The following ARFGAP2 variants were observed in gnomAD, a reference collection of about 807,000 sequenced individuals.
ARFGAP2 encodes the protein ARF GTPase activating protein 2.
Under a neutral mutation model 71.9 loss-of-function variants are expected in ARFGAP2, and 45 were observed. That is an observed-to-expected ratio of 0.63 (90% CI 0.49 to 0.80). The LOEUF (loss-of-function observed/expected upper bound fraction) is 0.80, where lower values mean the gene tolerates loss of function less well. ARFGAP2 is among the 30% of genes least tolerant of loss of function. The probability of loss-of-function intolerance (pLI) is 0.00; values close to 1 mark genes in which losing one functional copy is unlikely to be tolerated. For synonymous variants in ARFGAP2, 248 were observed against 249.2 expected (o/e 1.00, Z 0.05); for missense variants, 633 against 673.9 (o/e 0.94, Z 0.67).
chr11:47,167,851 A>C lies in ARFGAP2; in HGVS notation c.1205+58T>G, dbSNP rs2135422543. On this transcript the variant is annotated intron_variant, in intron 12 of 15. Coordinates refer to ENST00000524782, the MANE Select transcript of ARFGAP2 (RefSeq NM_032389.6). ...AGACAGTGCTGCCTTAGAATTCTCT[A>C]CCTTCAGCTTGTTTAAAAAAAAAAA... is the stretch of plus-strand genomic sequence containing the variant. 3 of 1,503,648 alleles carry C rather than the reference A, an allele frequency of 2.0e-6. 1 individual carries two copies. The highest frequency in any genetic ancestry group is 4.8e-5 in the Admixed American group (2 of 41,344). 93.1% of individuals were successfully genotyped at this position (1,503,648 alleles called of 1,614,324 possible).
intron 10 of ARFGAP2, among the ~76,000 whole-genome samples, chr11:47,170,339 A>AAAAAG (rs1210292938): frequency 1.3e-5 from 2 of 150,620 alleles, no homozygotes; most frequent in African/African-American, 4.9e-5. Flanking sequence ...AAAAAAAAAA[A>AAAAAG]AAAAGAAAAG....
chr11:47,175,936 G>GA lies in ARFGAP2; in HGVS notation c.192-14_192-13insT. ...CAACTCTGTGGACCTGTGTACAAGGGCTGCGTCTCACCCACTAGCAGATAC... is the reference window on the plus strand; with the variant it reads ...CAACTCTGTGGACCTGTGTACAAGGGACTGCGTCTCACCCACTAGCAGATAC... On this transcript the variant is annotated splice_polypyrimidine_tract_variant and intron_variant, in intron 2 of 15. Transcript: ENST00000524782. The GA allele has an allele frequency of 6.2e-7, 1 of 1,613,748 alleles. No homozygotes were observed. Among genetic ancestry groups the GA allele is most frequent in the Admixed American group, 1.7e-5 (1 of 59,962 alleles).
chr11:47,167,837 C>T (rs764048690), intron 12 of ARFGAP2, 72 bp downstream of exon 12: 53 of 1,489,392 alleles, frequency 3.6e-5, no homozygotes, highest in Non-Finnish European at 4.7e-5. Context: ...GACAGTGCTG[C>T]CTTAGAATTC....
chr11:47,173,089 A>C, intron 7 of ARFGAP2: 1 of 405,818 alleles, frequency 2.5e-6, no homozygotes, highest in South Asian at 2.3e-5. Flanking sequence ...CCACCCCCGG[A>C]AATGCACCAG....
Position 47,168,751 on chromosome 11 carries a change from G to A in ARFGAP2, c.942-500C>T, listed in dbSNP as rs549156786. ...TTGCCCAGCCTGGTCTCAAACTCCT[G>A]AGTACAGACAATCCACCCGCCTTGG... On this transcript the variant is annotated intron_variant, in intron 10 of 15. Transcript: ENST00000524782. Among the ~76,000 whole-genome samples, 17 of 152,188 alleles carry A rather than the reference G, an allele frequency of 1.1e-4. No individual in the cohort carries two copies. In the South Asian group the frequency reaches 2.9e-3, roughly 26 times the overall value.
In ARFGAP2 at chr11:47,166,763, T is replaced by C. The variant is rs4752820; in HGVS notation, c.1329A>G (p.Ala443=). ...SDMFFGREVD[A]EYEARSRLQQ... Reference sequence around the variant, plus strand: ...CAGGGCAGACAGCCCCACTTACCTCTGCATCCACCTCCCGCCCAAAGAACA... The same window carrying C: ...CAGGGCAGACAGCCCCACTTACCTCCGCATCCACCTCCCGCCCAAAGAACA... Residue 443 remains alanine, a synonymous_variant, in exon 13 of 16, where the codon GCA becomes GCG. Coordinates refer to ENST00000524782, the MANE Select transcript of ARFGAP2 (RefSeq NM_032389.6). The C allele has an allele frequency of 1, 1,612,841 of 1,613,212 alleles. 806,236 individuals are homozygous for C. Among genetic ancestry groups the C allele is most frequent in the Middle Eastern group, 1 (6,060 of 6,060 alleles).
intron 10 of ARFGAP2, 76 bp downstream of exon 10, chr11:47,171,350 A>C (rs1952591294): frequency 6.3e-7 from 1 of 1,581,556 alleles, no homozygotes; most frequent in African/African-American, 1.4e-5. Context: ...CTAGCATCCC[A>C]AACTGCTAGG....
At position 47,175,264 on chromosome 11, in the gene ARFGAP2, T is replaced by A. The variant is rs2135438462; in HGVS notation, c.314A>T (p.Lys105Ile). The A allele has an allele frequency of 6.2e-7, 1 of 1,614,108 alleles. No homozygotes were observed. The highest frequency in any genetic ancestry group is 1.1e-5 in the South Asian group (1 of 91,072). ...CATCTGGGCAGCTCGGCTATTATAT[T>A]TGGTGTTGGCATCATTGGCTGTGCA... The part of the protein sequence containing the change: ...HGCTANDANT[K>I]YNSRAAQMYR... The change falls in exon 4 of 16, where the codon AAA becomes ATA. Residue 105 changes from lysine to isoleucine, a missense_variant. Transcript: ENST00000524782.
intron 7 of ARFGAP2, 170 bp downstream of exon 7, chr11:47,173,256 A>AATCAGTGTGGATG: frequency 2.5e-6 from 2 of 809,386 alleles, no homozygotes; most frequent in Non-Finnish European, 4.0e-6. Context: ...TTGGCTCTAA[A>AATCAGTGTGGATG]ATCAGTGTTG....
intron 7 of ARFGAP2, chr11:47,172,612 A>C (rs555980380): frequency 2.7e-5 from 36 of 1,312,180 alleles, no homozygotes; most frequent in South Asian, 3.8e-5. Context: ...ACCAAAACAA[A>C]GACTGCGAGG....
At position 47,165,366 on chromosome 11, in the gene ARFGAP2, C is replaced by CGAAGTT. The variant is rs1349585324; in HGVS notation, c.*115_*116insAACTTC. 14 of 1,381,344 alleles carry CGAAGTT rather than the reference C, an allele frequency of 1.0e-5. No homozygotes were observed. The highest frequency in any genetic ancestry group is 9.8e-7 in the Non-Finnish European group (1 of 1,015,382). The allele number at this position is 1,381,344 out of a possible 1,614,324, so 85.6% of individuals were successfully genotyped here. ...CTCAAAGGCCACCCCACACACACAC[C>CGAAGTT]ACACATACGAAGTAACAAATCCTCC... On this transcript the variant is annotated 3_prime_UTR_variant, in exon 16 of 16. Coordinates refer to ENST00000524782, the MANE Select transcript of ARFGAP2 (RefSeq NM_032389.6).
At chr11:47,172,186 G>A (rs1411156925) in intron 8 of ARFGAP2, 95 bp downstream of exon 8, 17 of 1,267,272 alleles carry the variant, frequency 1.3e-5, no homozygotes, top group Non-Finnish European at 1.7e-5. Context: ...CTTTGCCAAA[G>A]TCATATAGCT....
chr11:47,169,563 T>C (rs566739385), intron 10 of ARFGAP2: 1 of 151,390 alleles, frequency 6.6e-6, no homozygotes, highest in South Asian at 2.1e-4. Context: ...TATTTTGCAA[T>C]AGGGCTGAGT....
rs1393296120 is a variant in ARFGAP2 at position 47,166,330 on chromosome 11, C to T, written c.1483G>A (p.Gly495Ser). ...PTADIAQFKQ[G>S]VKSVAGKMAV... is the part of the protein sequence containing the mutation. ...ATTTTCCCAGCCACAGACTTGACACCCTGCTTAAACTGGGCAATGTCCGCT... is the reference window on the plus strand; with the variant it reads ...ATTTTCCCAGCCACAGACTTGACACTCTGCTTAAACTGGGCAATGTCCGCT... Residue 495 changes from glycine (G) to serine (S), a missense_variant, in exon 15 of 16, where the codon GGT becomes AGT. By Grantham distance (56) the Gly-to-Ser change is moderately conservative (BLOSUM62 0). Coordinates refer to ENST00000524782, the MANE Select transcript of ARFGAP2 (RefSeq NM_032389.6). 6.2e-7 allele frequency: 1 copy of T among 1,614,210 alleles called. No individual in the cohort carries two copies. The highest frequency in any genetic ancestry group is 8.5e-7 in the Non-Finnish European group (1 of 1,180,040).
chr11:47,172,253 C>A, intron 8 of ARFGAP2, 28 bp downstream of exon 8: 1 of 1,612,692 alleles, frequency 6.2e-7, no homozygotes, highest in South Asian at 1.1e-5. Context: ...CTCCTAACCC[C>A]TCTACCATAC....
In ARFGAP2 at chr11:47,171,546, A is replaced by G. The variant is rs146780643; in HGVS notation, c.821T>C (p.Met274Thr). The change falls in exon 10 of 16, where the codon ATG (methionine) becomes ACG (threonine). Residue 274 changes from methionine to threonine, a missense_variant. Physicochemically the swap from Met to Thr is moderately conservative, Grantham distance 81. Transcript: ENST00000524782. The stretch of plus-strand genomic sequence containing the variant: ...CTGGAGCTCCTGGTAGGCCAGACGC[A>G]TGGAGGCGACCCTTAGGGGGAACAA... ...KQAEESMVAS[M>T]RLAYQELQID... The G allele has an allele frequency of 1.9e-6, 3 of 1,614,100 alleles. No homozygotes were observed. The highest frequency in any genetic ancestry group is 1.3e-5 in the African/African-American group (1 of 74,924).
At chr11:47,176,300 A>C in intron 2 of ARFGAP2, 1 of 600,168 alleles carries the variant, frequency 1.7e-6, no homozygotes, top group Non-Finnish European at 3.0e-6. Context: ...GACCGTCAAA[A>C]AAGAGGAAGT....
In ARFGAP2 at chr11:47,166,740, G is replaced by C. The variant is rs1204920291; in HGVS notation, c.1332+20C>G. On this transcript the variant is annotated intron_variant, in intron 13 of 15. Transcript: ENST00000524782. ...CTTCTGCCTGCTGCCTCGGACCTCA[G>C]GGCAGACAGCCCCACTTACCTCTGC... 3 of 1,610,608 alleles carry C rather than the reference G, an allele frequency of 1.9e-6. No homozygotes were observed. The highest frequency in any genetic ancestry group is 4.5e-5 in the East Asian group (2 of 44,766).
chr11:47,174,713 G>A, intron 5 of ARFGAP2: 1 of 331,244 alleles, frequency 3.0e-6, no homozygotes, highest in East Asian at 7.0e-5. Flanking sequence ...CTTTCTTATA[G>A]GGGAAGAATC....
Sources: allele counts gnomAD v4.1 joint callset (sites outside exome capture counted in the v4.1 genomes callset), GRCh38; gene constraint gnomAD v4.1.1; transcripts MANE v1.5; gene names NCBI Gene and HGNC (gene_info 2026-07-23, HGNC 2026-07-21).